Variants in AR observed in about 807,000 individuals in gnomAD.
The protein encoded by AR is dihydrotestosterone receptor.
In AR, 8 loss-of-function variants were observed where a neutral mutation model predicts 53.9. The observed-to-expected ratio is 0.15, with a 90% CI of 0.09 to 0.27. The LOEUF (loss-of-function observed/expected upper bound fraction) is 0.27. Among genes scored for constraint, AR ranks in the 10% least tolerant of loss-of-function variants. The pLI is 1.00. For synonymous variants in AR, 359 were observed against 316.4 expected, an observed-to-expected ratio of 1.13 and a Z score of -1.43; for missense variants, 639 against 742.5, an observed-to-expected ratio of 0.86 and a Z score of 1.62.
Position 67,686,049 on chromosome X carries a change from C to A in AR, c.1808C>A (p.Thr603Asn), listed in dbSNP as rs752722258. The change falls in exon 3 of 8, where the codon ACT becomes AAT. Residue 603 changes from threonine (T) to asparagine (N), a missense_variant. This residue lies in a region of AR where 19 missense variants were observed against 48.3 expected (regional missense o/e 0.39). Coordinates refer to ENST00000374690, the MANE Select transcript of AR (RefSeq NM_000044.6). ...KYLCASRNDCTIDKFRRKNCP... is the reference protein window; with the variant it reads ...KYLCASRNDCNIDKFRRKNCP... ...CTGTGCGCCAGCAGAAATGATTGCACTATTGATAAATTCCGAAGGAAAAAT... is the reference window on the plus strand; with the variant it reads ...CTGTGCGCCAGCAGAAATGATTGCAATATTGATAAATTCCGAAGGAAAAAT... The A allele has an allele frequency of 1.7e-6, 2 of 1,209,234 alleles. No homozygotes were observed. Among genetic ancestry groups the A allele is most frequent in the African/African-American group, 3.5e-5 (2 of 57,323 alleles).
intron 1 of AR, among the ~76,000 whole-genome samples, chrX:67,603,031 T>A (rs1282100160): frequency 1.8e-5 from 2 of 111,412 alleles, no homozygotes; most frequent in African/African-American, 6.5e-5. Context: ...ATTATTAATT[T>A]TAGTAGTATT....
chrX:67,717,358 G>A (rs55856342), intron 4 of AR, 120 bp from the exon 5 acceptor site: 7 of 983,119 alleles, frequency 7.1e-6, no homozygotes, highest in Non-Finnish European at 9.9e-6. Flanking sequence ...AGCCTGGATG[G>A]TCCCTGGGGA....
At chrX:67,585,274 A>AG (rs1287324558) in intron 1 of AR, among the ~76,000 whole-genome samples, 1 of 110,406 alleles carries the variant, frequency 9.1e-6, no homozygotes, top group African/African-American at 3.3e-5. Flanking sequence ...AAAAAAAAAA[A>AG]AAGAGTTGAT....
At chrX:67,698,329 A>C (rs1168256571) in intron 3 of AR, among the ~76,000 whole-genome samples, 1 of 112,574 alleles carries the variant, frequency 8.9e-6, no homozygotes, top group African/African-American at 3.2e-5. Flanking sequence ...TTTAAGCCAG[A>C]GGCCACAAAC....
chrX:67,551,012 T>G (rs765193515), intron 1 of AR, among the ~76,000 whole-genome samples: 5 of 103,888 alleles, frequency 4.8e-5, no homozygotes, highest in African/African-American at 1.8e-4. Context: ...TTTTTTTTTT[T>G]TTTTTTTTTT....
intron 1 of AR, among the ~76,000 whole-genome samples, chrX:67,618,255 G>A (rs1924209462): frequency 1.8e-5 from 2 of 111,268 alleles, no homozygotes; most frequent in African/African-American, 6.5e-5. Flanking sequence ...CAGGACATGA[G>A]AGATACTGTG....
chrX:67,559,318 T>C (rs975509693), intron 1 of AR, among the ~76,000 whole-genome samples: 1 of 112,198 alleles, frequency 8.9e-6, no homozygotes, highest in African/African-American at 3.2e-5. Context: ...TTTAATTACC[T>C]GTCTCCATCA....
intron 3 of AR, among the ~76,000 whole-genome samples, chrX:67,693,786 A>G (rs1029734794): frequency 7.5e-4 from 84 of 112,204 alleles, no homozygotes; most frequent in African/African-American, 2.6e-3. Context: ...ATCAGGTTCC[A>G]TTCTTCTCAG....
intron 2 of AR, among the ~76,000 whole-genome samples, chrX:67,662,415 G>C (rs1271061943): frequency 9.0e-6 from 1 of 111,030 alleles, no homozygotes; most frequent in Non-Finnish European, 1.9e-5. Flanking sequence ...TGGTTTCAAA[G>C]AACATCTTTA....
intron 3 of AR, among the ~76,000 whole-genome samples, chrX:67,706,595 C>T (rs2076068994): frequency 9.0e-6 from 1 of 111,271 alleles, no homozygotes; most frequent in Non-Finnish European, 1.9e-5. Context: ...TTTCAAAAAA[C>T]CAGCTCCTGG....
intron 1 of AR, among the ~76,000 whole-genome samples, chrX:67,633,359 C>T (rs1271365172): frequency 5.4e-5 from 6 of 111,627 alleles, no homozygotes. Flanking sequence ...CAATATTTAG[C>T]TTCCACTTAT....
intron 1 of AR, among the ~76,000 whole-genome samples, chrX:67,558,827 A>G (rs1009286214): frequency 8.9e-6 from 1 of 112,336 alleles, no homozygotes; most frequent in African/African-American, 3.2e-5. Context: ...TTTATTTTAC[A>G]TGTATTAATT....
chrX:67,635,030 C>A (rs968881834), intron 1 of AR, among the ~76,000 whole-genome samples: 32 of 102,962 alleles, frequency 3.1e-4, no homozygotes, highest in East Asian at 1.3e-3. Flanking sequence ...CCCTCCCCAA[C>A]CCCTATGCCC....
At chrX:67,646,221 G>A (rs1195487694) in intron 2 of AR, among the ~76,000 whole-genome samples, 4 of 111,364 alleles carry the variant, frequency 3.6e-5, no homozygotes, top group Non-Finnish European at 5.6e-5. Flanking sequence ...TGTCATTGGT[G>A]CAGGGCTCAG....
chrX:67,665,108 G>A (rs543856815), intron 2 of AR, among the ~76,000 whole-genome samples: 2 of 112,800 alleles, frequency 1.8e-5, no homozygotes, highest in African/African-American at 3.2e-5. Flanking sequence ...TGCTCGGTGC[G>A]CTGCACCCAC....
Position 67,546,537 on chromosome X carries a change from G to T in AR, c.1391G>T (p.Gly464Val). The change falls in exon 1 of 8, where the codon GGC (glycine) becomes GTC (valine). Residue 464 changes from glycine (G) to valine (V), a missense_variant. Gly to Val is a moderately radical substitution (Grantham distance 109). Around this residue, in one of 5 missense-constraint regions of AR, gnomAD observed 423 missense variants for 377.0 expected, o/e 1.12. Transcript: ENST00000374690. Reference sequence around the variant, plus strand: ...GGTGGCGGCGGCGGCGGCGGCGGCGGCGGCGGCGGCGGCGGCGGCGGCGGC... The same window carrying T: ...GGTGGCGGCGGCGGCGGCGGCGGCGTCGGCGGCGGCGGCGGCGGCGGCGGC... ...GGGGGGGGGG[G>V]GGGGGGGGGE... 1 of 888,160 alleles carries T rather than the reference G, an allele frequency of 1.1e-6. No individual in the cohort carries two copies. The allele number at this position is 888,160 out of a possible 1,213,427, so 73.2% of individuals were successfully genotyped here. A position where few individuals can be genotyped will look rare whatever the true frequency, so the allele number is the denominator to read the frequency against.
In AR at chrX:67,726,279, C is replaced by T. The variant is rs1325676611; in HGVS notation, c.*2438C>T. On this transcript the variant is annotated 3_prime_UTR_variant, in exon 8 of 8. Coordinates refer to ENST00000374690, the MANE Select transcript of AR (RefSeq NM_000044.6). Reference sequence around the variant, plus strand: ...TTTTCTTTATTATTACACAATCTGGCTCATGTACAGGATCACTTTTAGCTG... The same window carrying T: ...TTTTCTTTATTATTACACAATCTGGTTCATGTACAGGATCACTTTTAGCTG... 3 of 173,211 alleles carry T rather than the reference C, an allele frequency of 1.7e-5. No individual in the cohort carries two copies. Among genetic ancestry groups the T allele is most frequent in the Non-Finnish European group, 3.3e-5 (3 of 90,902 alleles). 14.3% of individuals were successfully genotyped at this position (173,211 alleles called of 1,213,427 possible).
At chrX:67,682,434 AC>A (rs1370168428) in intron 2 of AR, among the ~76,000 whole-genome samples, 1 of 109,395 alleles carries the variant, frequency 9.1e-6, no homozygotes, top group African/African-American at 3.3e-5. Flanking sequence ...ACAGGTGCAC[AC>A]CACCACACCT....
chrX:67,691,317 T>C lies in AR; in HGVS notation c.1885+5191T>C, dbSNP rs184795766. On this transcript the variant is annotated intron_variant, in intron 3 of 7. Coordinates refer to ENST00000374690, the MANE Select transcript of AR (RefSeq NM_000044.6). Reference sequence around the variant, plus strand: ...CCCTCATACCAAAAGCCAGTTTCCTTGGTCTAGGCCAGTGTTTACTGGTAT... The same window carrying C: ...CCCTCATACCAAAAGCCAGTTTCCTCGGTCTAGGCCAGTGTTTACTGGTAT... Among the ~76,000 whole-genome samples, 12 of 112,374 alleles carry C rather than the reference T, an allele frequency of 1.1e-4. No homozygotes were observed. In the East Asian group the frequency reaches 3.4e-3, roughly 32 times the overall value.
Sources: allele counts gnomAD v4.1 joint callset (sites outside exome capture counted in the v4.1 genomes callset), GRCh38; gene constraint gnomAD v4.1.1; regional missense constraint gnomAD v4.1.1; transcripts MANE v1.5; gene names NCBI Gene and HGNC (gene_info 2026-07-23, HGNC 2026-07-21).